ZNF385B: variants seen among roughly 807,000 people sequenced by gnomAD.
ZNF385B encodes the protein zinc finger protein 385B.
In ZNF385B, 23 loss-of-function variants were observed where a neutral mutation model predicts 39.2. The observed-to-expected ratio is 0.59, with a 90% CI of 0.42 to 0.83. The LOEUF (loss-of-function observed/expected upper bound fraction) is 0.83. Among genes scored for constraint, ZNF385B ranks in the 40% least tolerant of loss-of-function variants. ZNF385B has a pLI of 0.00. For synonymous variants in ZNF385B, 205 were observed against 222.6 expected (o/e 0.92, Z 0.70); for missense variants, 552 against 598.9 (o/e 0.92, Z 0.82).
intron 3 of ZNF385B, among the ~76,000 whole-genome samples, chr2:179,618,407 T>C (rs80141158): frequency 6.6e-6 from 1 of 152,028 alleles, no homozygotes; most frequent in African/African-American, 2.4e-5. Context: ...TTATTCATAT[T>C]CATAACTCCT....
chr2:179,834,668 T>C (rs369402090), intron 1 of ZNF385B, among the ~76,000 whole-genome samples: 1 of 152,202 alleles, frequency 6.6e-6, no homozygotes, highest in African/African-American at 2.4e-5. Flanking sequence ...CTGTGGATGC[T>C]AACCTCATTA....
At chr2:179,558,509 T>G (rs2061104683) in intron 3 of ZNF385B, among the ~76,000 whole-genome samples, 1 of 152,146 alleles carries the variant, frequency 6.6e-6, no homozygotes, top group Non-Finnish European at 1.5e-5. Flanking sequence ...CTACTCCCAC[T>G]TTGGCAGAGA....
In ZNF385B at chr2:179,769,762, A is replaced by G. The variant is rs1359623384; in HGVS notation, c.39T>C (p.Asp13=). The stretch of plus-strand genomic sequence containing the variant: ...GAAAATTTGCCATATTCATGATTCC[A>G]TCTTCAAGATGGTTGTCAGGGCTTA... The part of the protein sequence containing the change: ...YSLSPDNHLE[D]GIMNMANFLR... The change falls in exon 3 of 10, where the codon GAT becomes GAC. Residue 13 remains aspartate (D), a synonymous_variant. Coordinates refer to ENST00000410066, the MANE Select transcript of ZNF385B (RefSeq NM_152520.6). The G allele has an allele frequency of 6.2e-7, 1 of 1,613,768 alleles. No homozygotes were observed. Among genetic ancestry groups the G allele is most frequent in the Admixed American group, 1.7e-5 (1 of 59,966 alleles).
chr2:179,829,813 T>C (rs1441010042), intron 1 of ZNF385B, among the ~76,000 whole-genome samples: 1 of 152,194 alleles, frequency 6.6e-6, no homozygotes, highest in Admixed American at 6.5e-5. Flanking sequence ...GCGCCCGGCC[T>C]GGATATGACT....
chr2:179,668,249 A>T (rs959152684), intron 3 of ZNF385B, among the ~76,000 whole-genome samples: 1 of 152,236 alleles, frequency 6.6e-6, no homozygotes, highest in African/African-American at 2.4e-5. Flanking sequence ...TCCATTTTTT[A>T]ACCTCAAAAT....
intron 3 of ZNF385B, among the ~76,000 whole-genome samples, chr2:179,605,054 C>G (rs1335057934): frequency 6.6e-6 from 1 of 152,078 alleles, no homozygotes; most frequent in Non-Finnish European, 1.5e-5. Flanking sequence ...ATAATAACGT[C>G]TGTCTCCCCT....
intron 1 of ZNF385B, among the ~76,000 whole-genome samples, chr2:179,810,994 G>A (rs2106566440): frequency 6.6e-6 from 1 of 152,164 alleles, no homozygotes; most frequent in East Asian, 1.9e-4. Flanking sequence ...AAAATCAGTA[G>A]CATTTCTATA....
At chr2:179,484,985 C>T (rs1486641030) in intron 5 of ZNF385B, among the ~76,000 whole-genome samples, 1 of 152,032 alleles carries the variant, frequency 6.6e-6, no homozygotes, top group Non-Finnish European at 1.5e-5. Context: ...ACATCATCAA[C>T]ATGAGGTTAA....
intron 6 of ZNF385B, among the ~76,000 whole-genome samples, chr2:179,482,199 C>T (rs574759730): frequency 1.3e-5 from 2 of 152,314 alleles, no homozygotes; most frequent in African/African-American, 2.4e-5. Context: ...TCTGAACCTT[C>T]CTCTTACAGT....
chr2:179,788,850 A>AC lies in ZNF385B; in HGVS notation c.-154-18179dup, dbSNP rs1424955662. On this transcript the variant is annotated intron_variant, in intron 1 of 9. Coordinates refer to ENST00000410066, the MANE Select transcript of ZNF385B (RefSeq NM_152520.6). ...CCTGTGACCTGTTCATTTTGTCATC[A>AC]CCCCGCTGCAAGTTGGAGTTGATGT... Among the ~76,000 whole-genome samples, 3 of 152,084 alleles carry AC rather than the reference A, an allele frequency of 2.0e-5. No individual in the cohort carries two copies. In the East Asian group the frequency reaches 5.8e-4, roughly 29 times the overall value.
chr2:179,803,366 C>T (rs1464513117), intron 1 of ZNF385B, among the ~76,000 whole-genome samples: 1 of 152,082 alleles, frequency 6.6e-6, no homozygotes. Context: ...ATGTGCCACC[C>T]ATGGGAAGCA....
intron 3 of ZNF385B, among the ~76,000 whole-genome samples, chr2:179,626,757 GA>G: frequency 6.6e-6 from 1 of 151,506 alleles, no homozygotes; most frequent in East Asian, 1.9e-4. Context: ...CAAAGCAAAA[GA>G]AAAAAAAGAC....
chr2:179,687,090 C>T (rs1219453910), intron 3 of ZNF385B, among the ~76,000 whole-genome samples: 1 of 150,914 alleles, frequency 6.6e-6, no homozygotes, highest in Admixed American at 6.7e-5. Flanking sequence ...CAGTATACTT[C>T]CTTACCTTCT....
chr2:179,805,144 AC>A (rs1312004420), intron 1 of ZNF385B, among the ~76,000 whole-genome samples: 5 of 152,030 alleles, frequency 3.3e-5, no homozygotes, highest in African/African-American at 1.2e-4. Context: ...TGTTCTTGGA[AC>A]CCGGCCACTG....
At chr2:179,456,930 G>C (rs2050766311) in intron 6 of ZNF385B, among the ~76,000 whole-genome samples, 1 of 151,954 alleles carries the variant, frequency 6.6e-6, no homozygotes, top group Non-Finnish European at 1.5e-5. Flanking sequence ...GATATAGCAT[G>C]TACTATAAAA....
At chr2:179,566,984 G>A (rs1297560374) in intron 3 of ZNF385B, among the ~76,000 whole-genome samples, 3 of 147,484 alleles carry the variant, frequency 2.0e-5, no homozygotes, top group Non-Finnish European at 3.0e-5. Context: ...GTGCGATCTC[G>A]GCTCACTGCA....
At chr2:179,664,621 C>T (rs1694918534) in intron 3 of ZNF385B, among the ~76,000 whole-genome samples, 1 of 152,032 alleles carries the variant, frequency 6.6e-6, no homozygotes, top group Admixed American at 6.6e-5. Context: ...TGGACACATC[C>T]TAAATGTCCA....
chr2:179,721,288 C>T (rs16866949), intron 3 of ZNF385B, among the ~76,000 whole-genome samples: 43,750 of 151,800 alleles, frequency 0.29, 6,635 homozygotes, highest in East Asian at 0.5. Context: ...AAAACATAAA[C>T]GCAATGAAAA....
At chr2:179,684,857 C>G (rs1697803438) in intron 3 of ZNF385B, among the ~76,000 whole-genome samples, 2 of 152,272 alleles carry the variant, frequency 1.3e-5, no homozygotes, top group Non-Finnish European at 2.9e-5. Flanking sequence ...TGCAAGTTTA[C>G]TTTCTGAGCT....
Sources: allele counts gnomAD v4.1 joint callset (sites outside exome capture counted in the v4.1 genomes callset), GRCh38; gene constraint gnomAD v4.1.1; transcripts MANE v1.5; gene names NCBI Gene and HGNC (gene_info 2026-07-23, HGNC 2026-07-21).